The following CRISPLD1 variants were observed in gnomAD, a reference collection of about 807,000 sequenced individuals.
The protein encoded by CRISPLD1 is cysteine rich secretory protein LCCL domain containing 1, also known as cysteine-rich secretory protein LCCL domain-containing 1.
In CRISPLD1, 60 loss-of-function variants were observed where a neutral mutation model predicts 77.5. The observed-to-expected ratio is 0.77, with a 90% CI of 0.63 to 0.96. CRISPLD1 has a LOEUF of 0.96. Ranked by LOEUF, CRISPLD1 falls within the 40% of genes least tolerant of loss-of-function variation. The pLI is 0.00. For synonymous variants in CRISPLD1, 195 were observed against 200.1 expected (o/e 0.97, Z 0.22); for missense variants, 623 against 615.8 (o/e 1.01, Z -0.12).
intron 2 of CRISPLD1, among the ~76,000 whole-genome samples, chr8:74,991,683 A>G (rs922239915): frequency 2.0e-5 from 3 of 151,996 alleles, no homozygotes; most frequent in African/African-American, 4.8e-5. Flanking sequence ...GGCGTGTGTC[A>G]CTTTGCCTGG....
intron 2 of CRISPLD1, among the ~76,000 whole-genome samples, chr8:74,992,291 A>C (rs1317583219): frequency 6.6e-6 from 1 of 152,182 alleles, no homozygotes; most frequent in East Asian, 1.9e-4. Flanking sequence ...TGCTTCAAAT[A>C]ATTCAGGATT....
intron 2 of CRISPLD1, among the ~76,000 whole-genome samples, chr8:75,008,973 C>T (rs1812882223): frequency 6.6e-6 from 1 of 152,110 alleles, no homozygotes. Context: ...GTATATTAAA[C>T]TAGTTAGGAA....
intron 13 of CRISPLD1, among the ~76,000 whole-genome samples, chr8:75,027,393 A>G (rs894751159): frequency 6.6e-6 from 1 of 152,238 alleles, no homozygotes; most frequent in Non-Finnish European, 1.5e-5. Flanking sequence ...AAGAAATCAT[A>G]CTTTTCAGAT....
At chr8:74,993,867 T>C (rs1812610534) in intron 2 of CRISPLD1, among the ~76,000 whole-genome samples, 1 of 152,232 alleles carries the variant, frequency 6.6e-6, no homozygotes, top group East Asian at 1.9e-4. Context: ...ACAAACATTC[T>C]TCCTTGCATG....
chr8:75,033,605 C>G lies in CRISPLD1; in HGVS notation c.*1363C>G, dbSNP rs558717990. 6.6e-6 allele frequency: 1 copy of G among 151,976 alleles called. No homozygotes were observed. The highest frequency in any genetic ancestry group is 1.9e-4 in the East Asian group (1 of 5,180). 9.4% of individuals were successfully genotyped at this position (151,976 alleles called of 1,614,324 possible). On this transcript the variant is annotated 3_prime_UTR_variant, in exon 15 of 15. Transcript: ENST00000262207. ...AGAATTGACAGGACAATAAATACTT[C>G]AAATACTTTTAGGAAGTAAATGAGT... is the stretch of plus-strand genomic sequence containing the variant.
intron 12 of CRISPLD1, among the ~76,000 whole-genome samples, chr8:75,023,073 T>TAAAAAAAA (rs397891797): frequency 8.9e-6 from 1 of 112,054 alleles, no homozygotes; most frequent in Non-Finnish European, 2.0e-5. Flanking sequence ...AAATTGTAGG[T>TAAAAAAAA]AAAAAAAAAA....
chr8:75,023,637 A>G (rs1813179218), intron 12 of CRISPLD1, among the ~76,000 whole-genome samples: 1 of 152,202 alleles, frequency 6.6e-6, no homozygotes, highest in South Asian at 2.1e-4. Context: ...TGGCAAGGGT[A>G]GTTTCAACTG....
At chr8:75,003,022 C>T (rs1280332066) in intron 2 of CRISPLD1, among the ~76,000 whole-genome samples, 1 of 152,152 alleles carries the variant, frequency 6.6e-6, no homozygotes, top group Non-Finnish European at 1.5e-5. Flanking sequence ...TGCTGTGGTT[C>T]TTAAACCAGC....
chr8:75,017,160 A>G, intron 9 of CRISPLD1, 47 bp downstream of exon 9: 1 of 1,554,752 alleles, frequency 6.4e-7, no homozygotes, highest in Non-Finnish European at 8.8e-7. Flanking sequence ...CATTCCATGT[A>G]ATATTTGATT....
intron 2 of CRISPLD1, among the ~76,000 whole-genome samples, chr8:75,000,948 T>C (rs1394585965): frequency 6.6e-6 from 1 of 152,210 alleles, no homozygotes; most frequent in Non-Finnish European, 1.5e-5. Context: ...AAAATAGTTT[T>C]ATTAGAAAAT....
At chr8:75,025,500 A>G in intron 12 of CRISPLD1, 46 bp from the exon 13 acceptor site, 1 of 775,160 alleles carries the variant, frequency 1.3e-6, no homozygotes, top group Non-Finnish European at 1.9e-6. Context: ...GAAAGACTTA[A>G]GTAACCAGCT....
At chr8:75,008,657 G>T (rs1469367510) in intron 2 of CRISPLD1, among the ~76,000 whole-genome samples, 1 of 151,964 alleles carries the variant, frequency 6.6e-6, no homozygotes, top group Non-Finnish European at 1.5e-5. Context: ...CTCTGCTTCA[G>T]CACTTATATT....
At chr8:75,013,144 A>G in intron 4 of CRISPLD1, 122 bp downstream of exon 4, 5 of 715,114 alleles carry the variant, frequency 7.0e-6, no homozygotes, top group Non-Finnish European at 1.0e-5. Context: ...TTATATGGAT[A>G]TTGATTATGT....
rs772901051 is a variant in CRISPLD1 at position 75,016,834 on chromosome 8, A to G, written c.869-47A>G. On this transcript the variant is annotated intron_variant, in intron 7 of 14. Coordinates refer to ENST00000262207, the MANE Select transcript of CRISPLD1 (RefSeq NM_031461.6). ...ATTAGGCTATATATAATGAACTACAACTGCTTTTATATTATTTAAGTTATT... is the reference window on the plus strand; with the variant it reads ...ATTAGGCTATATATAATGAACTACAGCTGCTTTTATATTATTTAAGTTATT... 4 of 1,524,296 alleles carry G rather than the reference A, an allele frequency of 2.6e-6. No homozygotes were observed. In the Admixed American group the frequency reaches 7.9e-5, roughly 30 times the overall value. 94.4% of individuals were successfully genotyped at this position (1,524,296 alleles called of 1,614,324 possible).
chr8:75,011,175 G>T (rs1212174374), intron 2 of CRISPLD1, among the ~76,000 whole-genome samples: 5 of 150,440 alleles, frequency 3.3e-5, no homozygotes, highest in African/African-American at 1.2e-4. Context: ...TGCACAATGT[G>T]CAGGTTAGTT....
In CRISPLD1 at chr8:75,019,864, C is replaced by G; in HGVS notation, c.1128-6C>G. The G allele has an allele frequency of 6.2e-7, 1 of 1,607,042 alleles. No homozygotes were observed. The highest frequency in any genetic ancestry group is 2.2e-5 in the East Asian group (1 of 44,794). On this transcript the variant is annotated splice_region_variant and splice_polypyrimidine_tract_variant and intron_variant, in intron 10 of 14. Coordinates refer to ENST00000262207, the MANE Select transcript of CRISPLD1 (RefSeq NM_031461.6). ...ATAATTAACATTTCTGTATTTTTAC[C>G]TTCAGCAAATATCAGTCTGCTAATT...
chr8:75,006,917 A>G (rs1355468887), intron 2 of CRISPLD1, among the ~76,000 whole-genome samples: 2 of 152,192 alleles, frequency 1.3e-5, no homozygotes, highest in African/African-American at 2.4e-5. Flanking sequence ...AAAACTTTAT[A>G]TCCTTTAATG....
chr8:75,023,929 G>A (rs779055748), intron 12 of CRISPLD1, among the ~76,000 whole-genome samples: 1 of 152,074 alleles, frequency 6.6e-6, no homozygotes, highest in East Asian at 1.9e-4. Flanking sequence ...TGGATCCTAC[G>A]TTTAAATAAA....
chr8:75,018,463 G>T (rs915306444), intron 10 of CRISPLD1, among the ~76,000 whole-genome samples: 2 of 151,318 alleles, frequency 1.3e-5, no homozygotes, highest in African/African-American at 2.4e-5. Context: ...GCTAATTTTT[G>T]TATTTTTAGT....
Sources: allele counts gnomAD v4.1 joint callset (sites outside exome capture counted in the v4.1 genomes callset), GRCh38; gene constraint gnomAD v4.1.1; transcripts MANE v1.5; gene names NCBI Gene and HGNC (gene_info 2026-07-23, HGNC 2026-07-21).